Variants in WWOX observed in about 807,000 individuals in gnomAD.
The protein encoded by WWOX is WW domain containing oxidoreductase, also known as WW domain-containing oxidoreductase.
A neutral mutation model predicts 46.2 loss-of-function variants in WWOX; 69 were observed. The ratio of observed to expected loss-of-function variants is 1.49; its 90% CI spans 1.23 to 1.82. The LOEUF is 1.82. Among genes scored for constraint, WWOX ranks in the 40% most tolerant of loss-of-function variants. The pLI, the probability that WWOX is intolerant of heterozygous loss-of-function variation, is 0.00. For missense variants in WWOX, 919 were observed against 542.6 expected (o/e 1.69, Z -6.89); for synonymous variants, 359 against 202.6 (o/e 1.77, Z -6.56).
At chr16:79,162,949 T>G (rs1226879832) in intron 8 of WWOX, among the ~76,000 whole-genome samples, 1 of 152,220 alleles carries the variant, frequency 6.6e-6, no homozygotes. Flanking sequence ...AAGAGAATGT[T>G]GTCCCCCAGA....
At chr16:78,102,982 C>G (rs1597197020) in intron 1 of WWOX, among the ~76,000 whole-genome samples, 2 of 152,292 alleles carry the variant, frequency 1.3e-5, no homozygotes, top group East Asian at 3.9e-4. Flanking sequence ...TGGGGCGTCT[C>G]CTCCTTTGCC....
chr16:79,015,819 T>C (rs2047401591), intron 8 of WWOX, among the ~76,000 whole-genome samples: 2 of 152,208 alleles, frequency 1.3e-5, no homozygotes, highest in Admixed American at 1.3e-4. Context: ...CGGTGTGATC[T>C]TGGCTCACTG....
intron 8 of WWOX, among the ~76,000 whole-genome samples, chr16:79,164,945 T>C (rs893982520): frequency 3.3e-5 from 5 of 152,134 alleles, no homozygotes; most frequent in African/African-American, 1.2e-4. Context: ...ACCCTGTTGT[T>C]ATTCACCCAG....
At chr16:78,387,813 G>A (rs944891680) in intron 6 of WWOX, among the ~76,000 whole-genome samples, 1 of 151,870 alleles carries the variant, frequency 6.6e-6, no homozygotes, top group Admixed American at 6.5e-5. Context: ...TCAAACATGA[G>A]GATTAAGTTA....
chr16:78,426,200 C>G (rs1254642837), intron 7 of WWOX, among the ~76,000 whole-genome samples: 1 of 152,206 alleles, frequency 6.6e-6, no homozygotes, highest in Non-Finnish European at 1.5e-5. Flanking sequence ...CTTTGCAAAT[C>G]ACACCAGGTT....
At chr16:78,178,453 C>T (rs2035419979) in intron 5 of WWOX, among the ~76,000 whole-genome samples, 1 of 152,186 alleles carries the variant, frequency 6.6e-6, no homozygotes, top group African/African-American at 2.4e-5. Flanking sequence ...TTTCCTCCAC[C>T]ATCTGGAACC....
At chr16:78,603,526 C>T (rs551829905) in intron 8 of WWOX, among the ~76,000 whole-genome samples, 1 of 152,182 alleles carries the variant, frequency 6.6e-6, no homozygotes, top group East Asian at 1.9e-4. Flanking sequence ...GAAACCCCAT[C>T]TCACCTAAAA....
intron 8 of WWOX, among the ~76,000 whole-genome samples, chr16:79,172,980 C>G (rs897858781): frequency 3.3e-5 from 5 of 152,304 alleles, no homozygotes; most frequent in Middle Eastern, 3.4e-3. Flanking sequence ...ATGATGGTGC[C>G]ACTGCACTCC....
At chr16:78,340,921 G>A (rs535326599) in intron 5 of WWOX, among the ~76,000 whole-genome samples, 1 of 119,278 alleles carries the variant, frequency 8.4e-6, no homozygotes, top group African/African-American at 2.8e-5. Context: ...CTGGAGTTAT[G>A]AAATGATGGT....
intron 5 of WWOX, among the ~76,000 whole-genome samples, chr16:78,266,770 G>A (rs150805929): frequency 2.1e-3 from 258 of 120,612 alleles, no homozygotes; most frequent in African/African-American, 7.4e-3. Context: ...CTTGATAAAT[G>A]CAAGTTCTAT....
chr16:78,427,354 C>T (rs1313726494), intron 7 of WWOX, among the ~76,000 whole-genome samples: 1 of 152,168 alleles, frequency 6.6e-6, no homozygotes, highest in African/African-American at 2.4e-5. Context: ...TGAGTTTCTG[C>T]ATACCTAAAA....
intron 8 of WWOX, among the ~76,000 whole-genome samples, chr16:78,558,344 T>C (rs2044356139): frequency 6.6e-6 from 1 of 152,250 alleles, no homozygotes; most frequent in South Asian, 2.1e-4. Context: ...GAAGTTTGTT[T>C]TGGATTTTTT....
intron 5 of WWOX, among the ~76,000 whole-genome samples, chr16:78,290,224 AGAGCACTCTGC>A (rs201738326): frequency 0.011 from 1,634 of 152,126 alleles, 35 homozygotes; most frequent in African/African-American, 0.036. Context: ...ATTTACTTAG[AGAGCACTCTGC>A]GAGCACTCTG....
chr16:78,636,434 A>G (rs2046572765), intron 8 of WWOX, among the ~76,000 whole-genome samples: 1 of 152,174 alleles, frequency 6.6e-6, no homozygotes, highest in South Asian at 2.1e-4. Flanking sequence ...TGATTGGGGA[A>G]TAGTTGTTGC....
intron 8 of WWOX, among the ~76,000 whole-genome samples, chr16:78,759,858 C>T (rs961912316): frequency 6.6e-6 from 1 of 152,146 alleles, no homozygotes; most frequent in Non-Finnish European, 1.5e-5. Flanking sequence ...GAGTCCATTC[C>T]TTTCATCTTC....
At chr16:79,119,668 T>C (rs1214066713) in intron 8 of WWOX, among the ~76,000 whole-genome samples, 2 of 152,222 alleles carry the variant, frequency 1.3e-5, no homozygotes, top group Non-Finnish European at 2.9e-5. Flanking sequence ...AGAACGGGAC[T>C]GTCCAGCCGG....
At chr16:78,275,881 G>A (rs2079567201) in intron 5 of WWOX, among the ~76,000 whole-genome samples, 1 of 152,074 alleles carries the variant, frequency 6.6e-6, no homozygotes, top group Non-Finnish European at 1.5e-5. Flanking sequence ...TTCCGACGAG[G>A]AAGTGCAGCC....
chr16:78,401,008 C>T (rs77704447), intron 6 of WWOX, among the ~76,000 whole-genome samples: 4 of 152,028 alleles, frequency 2.6e-5, no homozygotes, highest in African/African-American at 4.8e-5. Context: ...TTTGTAGAGA[C>T]GAGGTCTCCT....
At chr16:78,878,516 T>C (rs2044277786) in intron 8 of WWOX, among the ~76,000 whole-genome samples, 1 of 152,158 alleles carries the variant, frequency 6.6e-6, no homozygotes, top group Non-Finnish European at 1.5e-5. Context: ...AAGGCTTGGT[T>C]TAATCTCTGA....
Sources: gnomAD v4.1 joint callset for allele counts (sites outside exome capture counted in the v4.1 genomes callset) on GRCh38, gnomAD v4.1.1 for gene constraint, MANE v1.5 for transcripts, NCBI Gene and HGNC (gene_info 2026-07-23, HGNC 2026-07-21) for gene names.